The following GABRB1 variants were observed in gnomAD, a reference collection of about 807,000 sequenced individuals.
GABRB1 encodes the protein gamma-aminobutyric acid type A receptor subunit beta1, also known as gamma-aminobutyric acid receptor subunit beta-1.
Under a neutral mutation model 51.6 loss-of-function variants are expected in GABRB1, and 17 were observed. That is an observed-to-expected ratio of 0.33 (90% CI 0.23 to 0.49). The LOEUF is 0.49. Among genes scored for constraint, GABRB1 ranks in the 20% least tolerant of loss-of-function variants. The pLI, the probability that GABRB1 is intolerant of heterozygous loss-of-function variation, is 0.99. For synonymous variants in GABRB1, 247 were observed against 218.9 expected, an observed-to-expected ratio of 1.13 and a Z score of -1.14; for missense variants, 410 against 600.6, an observed-to-expected ratio of 0.68 and a Z score of 3.32.
chr4:47,425,418 C>T (rs1409103191), intron 8 of GABRB1, among the ~76,000 whole-genome samples: 1 of 149,336 alleles, frequency 6.7e-6, no homozygotes, highest in Non-Finnish European at 1.5e-5. Flanking sequence ...CACACACACA[C>T]AAGTGTTCTG....
chr4:47,116,074 A>C (rs953785747), intron 3 of GABRB1, among the ~76,000 whole-genome samples: 2 of 152,234 alleles, frequency 1.3e-5, no homozygotes, highest in African/African-American at 2.4e-5. Context: ...AGCAAGCTTC[A>C]AATTTTGAAA....
intron 4 of GABRB1, among the ~76,000 whole-genome samples, chr4:47,277,257 G>A (rs1032839506): frequency 6.6e-6 from 1 of 151,960 alleles, no homozygotes; most frequent in African/African-American, 2.4e-5. Context: ...AATAAGCCAG[G>A]CATAAGGAAG....
At position 46,998,259 on chromosome 4, in the gene GABRB1, A is replaced by G. The variant is rs552785520; in HGVS notation, c.-20+4333A>G. Among the ~76,000 whole-genome samples, 14 of 152,338 alleles carry G rather than the reference A, an allele frequency of 9.2e-5. No individual in the cohort carries two copies. The South Asian group carries it at 2.9e-3, about 32-fold the overall frequency. Reference sequence around the variant, plus strand: ...CATGAAATTTGGAAAGTCACCTATTATAGTATGTATTTTAGATTATTAATT... The same window carrying G: ...CATGAAATTTGGAAAGTCACCTATTGTAGTATGTATTTTAGATTATTAATT... On this transcript the variant is annotated intron_variant, in intron 1 of 3. Coordinates refer to the GABRB1 transcript ENST00000513567.
chr4:47,274,324 G>C (rs1722990460), intron 4 of GABRB1, among the ~76,000 whole-genome samples: 2 of 152,128 alleles, frequency 1.3e-5, no homozygotes, highest in Admixed American at 6.6e-5. Flanking sequence ...ATGAATGTTA[G>C]CTGCATTTAC....
intron 4 of GABRB1, among the ~76,000 whole-genome samples, chr4:47,289,365 A>G (rs1723640946): frequency 6.6e-6 from 1 of 152,234 alleles, no homozygotes; most frequent in African/African-American, 2.4e-5. Flanking sequence ...TCATTACATC[A>G]TAGTTGTAGT....
intron 4 of GABRB1, among the ~76,000 whole-genome samples, chr4:47,225,574 T>C (rs1017766634): frequency 1.3e-5 from 2 of 152,148 alleles, no homozygotes; most frequent in African/African-American, 4.8e-5. Context: ...AAGTAAATTG[T>C]GGAAATTCCA....
chr4:47,268,809 C>T lies in GABRB1; in HGVS notation c.462-51318C>T, dbSNP rs1182679214. Among the ~76,000 whole-genome samples the T allele has an allele frequency of 2.0e-5, 3 of 152,136 alleles. No individual in the cohort carries two copies. In the East Asian group the frequency reaches 5.8e-4, roughly 29 times the overall value. ...TTTTTCTACTGGGCAAATTTTATAACATATTGGACATAATGTGATTGACTA... is the reference window on the plus strand; with the variant it reads ...TTTTTCTACTGGGCAAATTTTATAATATATTGGACATAATGTGATTGACTA... On this transcript the variant is annotated intron_variant, in intron 4 of 8. Coordinates refer to ENST00000295454, the MANE Select transcript of GABRB1 (RefSeq NM_000812.4).
intron 4 of GABRB1, among the ~76,000 whole-genome samples, chr4:47,238,014 TAACTC>T (rs1044375477): frequency 2.0e-5 from 3 of 151,958 alleles, no homozygotes; most frequent in Non-Finnish European, 4.4e-5. Context: ...TTGCAATAAA[TAACTC>T]AATCAAAAAA....
intron 5 of GABRB1, among the ~76,000 whole-genome samples, chr4:47,364,271 A>G (rs1169628768): frequency 6.6e-6 from 1 of 152,192 alleles, no homozygotes; most frequent in Non-Finnish European, 1.5e-5. Flanking sequence ...AAGTGGAAGG[A>G]CAAAGGCCTC....
chr4:47,378,415 G>A (rs1304532705), intron 5 of GABRB1, among the ~76,000 whole-genome samples: 1 of 152,126 alleles, frequency 6.6e-6, no homozygotes, highest in African/African-American at 2.4e-5. Flanking sequence ...CGCGCAGCCC[G>A]GGTTCCCGCC....
intron 4 of GABRB1, among the ~76,000 whole-genome samples, chr4:47,306,635 AT>A (rs1724482810): frequency 6.6e-6 from 1 of 152,102 alleles, no homozygotes; most frequent in Non-Finnish European, 1.5e-5. Flanking sequence ...CAATGTGTAC[AT>A]TTTTAAAAAT....
chr4:47,265,107 C>A (rs1039429393), intron 4 of GABRB1, among the ~76,000 whole-genome samples: 1 of 151,966 alleles, frequency 6.6e-6, no homozygotes, highest in African/African-American at 2.4e-5. Context: ...CCATCACTCC[C>A]CTCTCAATTT....
intron 3 of GABRB1, among the ~76,000 whole-genome samples, chr4:47,155,289 C>T (rs1403108536): frequency 6.6e-6 from 1 of 151,990 alleles, no homozygotes; most frequent in Non-Finnish European, 1.5e-5. Context: ...TCTCAGAGCT[C>T]AGCTAAACTG....
chr4:47,014,250 A>G (rs1354141112), intron 1 of GABRB1, among the ~76,000 whole-genome samples: 1 of 152,148 alleles, frequency 6.6e-6, no homozygotes, highest in Non-Finnish European at 1.5e-5. Flanking sequence ...TAGTTTCATG[A>G]TAGATTTTGA....
At chr4:47,173,230 A>G (rs913121957) in intron 4 of GABRB1, among the ~76,000 whole-genome samples, 1 of 152,174 alleles carries the variant, frequency 6.6e-6, no homozygotes. Context: ...TTTTTGTTCT[A>G]CAATACAAAC....
intron 4 of GABRB1, among the ~76,000 whole-genome samples, chr4:47,164,262 T>C (rs182429533): frequency 4.0e-4 from 61 of 152,178 alleles, no homozygotes; most frequent in Non-Finnish European, 7.9e-4. Context: ...ATTCCATTGC[T>C]TCTGTGATCC....
At chr4:47,293,188 C>A (rs1301435756) in intron 4 of GABRB1, among the ~76,000 whole-genome samples, 2 of 152,192 alleles carry the variant, frequency 1.3e-5, no homozygotes, top group African/African-American at 2.4e-5. Flanking sequence ...GTCGCCCATG[C>A]TGGAGTGCAG....
At position 47,116,726 on chromosome 4, in the gene GABRB1, G is replaced by A. The variant is rs562105194; in HGVS notation, c.241-44523G>A. 2.6e-5 allele frequency among the ~76,000 whole-genome samples: 4 copies of A among 152,186 alleles called. No individual in the cohort carries two copies. In the South Asian group the frequency reaches 8.3e-4, roughly 32 times the overall value. On this transcript the variant is annotated intron_variant, in intron 3 of 8. Coordinates refer to ENST00000295454, the MANE Select transcript of GABRB1 (RefSeq NM_000812.4). ...TACTTTTCTTTGGGCAAGTGTATTA[G>A]TCCATTCTTGCATCTTTATAAAGAA...
intron 5 of GABRB1, among the ~76,000 whole-genome samples, chr4:47,337,527 G>A (rs754516336): frequency 3.3e-5 from 5 of 151,964 alleles, no homozygotes; most frequent in East Asian, 1.9e-4. Flanking sequence ...AGATCTGGCC[G>A]GACACAGTGG....
Sources: gnomAD v4.1 joint callset for allele counts (sites outside exome capture counted in the v4.1 genomes callset) on GRCh38, gnomAD v4.1.1 for gene constraint, MANE v1.5 for transcripts, NCBI Gene and HGNC (gene_info 2026-07-23, HGNC 2026-07-21) for gene names.